The following NCOR1 variants were observed in gnomAD, a reference collection of about 807,000 sequenced individuals.
NCOR1 encodes the protein protein phosphatase 1, regulatory subunit 109.
In NCOR1, 63 loss-of-function variants were observed where a neutral mutation model predicts 288.1. That is an observed-to-expected ratio of 0.22 (90% CI 0.18 to 0.27). The LOEUF (loss-of-function observed/expected upper bound fraction) is 0.27. Among genes scored for constraint, NCOR1 ranks in the 10% least tolerant of loss-of-function variants. The pLI is 1.00. For missense variants in NCOR1, 2,397 were observed against 3,019.2 expected, an observed-to-expected ratio of 0.79 and a Z score of 4.83; for synonymous variants, 1,007 against 1,065.9, an observed-to-expected ratio of 0.94 and a Z score of 1.08.
intron 18 of NCOR1, among the ~76,000 whole-genome samples, chr17:16,116,622 G>A (rs1349582385): frequency 6.6e-6 from 1 of 152,170 alleles, no homozygotes; most frequent in Admixed American, 6.5e-5. Flanking sequence ...AATCTAAAAT[G>A]ACATTCCATG....
At chr17:16,146,597 T>C (rs1262885663) in intron 9 of NCOR1, 49 bp from the exon 10 acceptor site, 7 of 1,460,746 alleles carry the variant, frequency 4.8e-6, no homozygotes, top group Non-Finnish European at 6.5e-6. Flanking sequence ...AAACTCTGAT[T>C]CTGACAAACC....
In NCOR1 at chr17:16,057,704, C is replaced by T; in HGVS notation, c.6202G>A (p.Val2068Ile). 1 of 1,613,890 alleles carries T rather than the reference C, an allele frequency of 6.2e-7. No individual in the cohort carries two copies. Among genetic ancestry groups the T allele is most frequent in the South Asian group, 1.1e-5 (1 of 91,070 alleles). The change falls in exon 40 of 46, where the codon GTT (valine) becomes ATT (isoleucine). Residue 2068 changes from valine to isoleucine, a missense_variant. By Grantham distance (29) the Val-to-Ile change is conservative. Coordinates refer to ENST00000268712, the MANE Select transcript of NCOR1 (RefSeq NM_006311.4). ...IITQDFARNQ[V>I]SSQTPQQPPT... The stretch of plus-strand genomic sequence containing the variant: ...GGCTGCTGGGGAGTCTGCGAGGAAA[C>T]TTGATTTCTAGCAAAATCTTGTGTG...
intron 7 of NCOR1, 32 bp from the exon 8 acceptor site, chr17:16,152,030 ATGT>A (rs761705793): frequency 2.8e-6 from 4 of 1,427,246 alleles, no homozygotes; most frequent in East Asian, 2.3e-5. Context: ...TATGTATAAA[ATGT>A]TGTACATATG....
chr17:16,124,742 A>G (rs2073695123), intron 15 of NCOR1, among the ~76,000 whole-genome samples: 1 of 152,194 alleles, frequency 6.6e-6, no homozygotes. Flanking sequence ...AACAGCAGTA[A>G]CAACAAACAA....
chr17:16,041,807 G>A (rs1307574128), intron 42 of NCOR1, among the ~76,000 whole-genome samples: 2 of 151,856 alleles, frequency 1.3e-5, no homozygotes, highest in Non-Finnish European at 2.9e-5. Flanking sequence ...TGCGATCTTG[G>A]CTCACTGCAA....
In NCOR1 at chr17:16,160,743, G is replaced by T. The variant is rs192191278; in HGVS notation, c.619-1870C>A. ...GGAGGTGGAGGTTGCAGTGAGCCAA[G>T]ATCGCACCATTGCACTCCAGCCTGG... On this transcript the variant is annotated intron_variant, in intron 5 of 45. Coordinates refer to ENST00000268712, the MANE Select transcript of NCOR1 (RefSeq NM_006311.4). Among the ~76,000 whole-genome samples the T allele has an allele frequency of 2.6e-5, 4 of 152,306 alleles. No homozygotes were observed. The East Asian group carries it at 7.7e-4, about 29-fold the overall frequency.
intron 42 of NCOR1, chr17:16,044,546 G>C: frequency 2.0e-6 from 1 of 499,936 alleles, no homozygotes; most frequent in Non-Finnish European, 4.1e-6. Context: ...CTAAGGCCAC[G>C]TTGGGATGAG....
intron 3 of NCOR1, among the ~76,000 whole-genome samples, chr17:16,181,425 G>A (rs1271017331): frequency 6.7e-6 from 1 of 149,294 alleles, no homozygotes; most frequent in Non-Finnish European, 1.5e-5. Flanking sequence ...CACAGGGATA[G>A]AGAATGAAAC....
At chr17:16,186,722 C>A (rs1391262604) in intron 2 of NCOR1, 35 bp from the exon 3 acceptor site, 1 of 1,593,682 alleles carries the variant, frequency 6.3e-7, no homozygotes, top group South Asian at 1.1e-5. Flanking sequence ...AATTATTAAC[C>A]AAAAACTGAA....
chr17:16,057,385 C>G (rs1228647052), intron 40 of NCOR1, 129 bp downstream of exon 40: 2 of 880,804 alleles, frequency 2.3e-6, no homozygotes, highest in South Asian at 3.3e-5. Flanking sequence ...GAAGAAAGCT[C>G]ATTTACACTT....
rs183995129 is a variant in NCOR1, at chr17:16,058,963, C to T, written c.5882-364G>A. 1.2e-4 allele frequency among the ~76,000 whole-genome samples: 17 copies of T among 146,042 alleles called. No homozygotes were observed. The East Asian group carries it at 2.5e-3, about 21-fold the overall frequency. ...ACTCGGGAGGCTGAGGCCGGAGAAT[C>T]GCTTGAACCCGGGAGGCGGAGGTTG... On this transcript the variant is annotated intron_variant, in intron 37 of 45. Transcript: ENST00000268712.
At chr17:16,074,372 G>A (rs1390857642) in intron 27 of NCOR1, among the ~76,000 whole-genome samples, 1 of 152,130 alleles carries the variant, frequency 6.6e-6, no homozygotes. Flanking sequence ...TGACAGTGGT[G>A]AATACAGAGT....
intron 17 of NCOR1, among the ~76,000 whole-genome samples, chr17:16,118,877 A>G (rs945427075): frequency 6.6e-6 from 1 of 152,228 alleles, no homozygotes; most frequent in Non-Finnish European, 1.5e-5. Flanking sequence ...CCAGAGTAAG[A>G]GGAAGGCCAC....
At chr17:16,155,355 A>G (rs1239434239) in intron 6 of NCOR1, among the ~76,000 whole-genome samples, 3 of 148,362 alleles carry the variant, frequency 2.0e-5, no homozygotes, top group Non-Finnish European at 4.5e-5. Context: ...TGTCTCAAAA[A>G]AAAAAAAAAA....
At chr17:16,183,734 A>C (rs1278760863) in intron 3 of NCOR1, among the ~76,000 whole-genome samples, 1 of 152,150 alleles carries the variant, frequency 6.6e-6, no homozygotes, top group Non-Finnish European at 1.5e-5. Flanking sequence ...AAATAGAAAA[A>C]ACAACCCTAA....
At chr17:16,044,646 G>A in intron 42 of NCOR1, 1 of 644,224 alleles carries the variant, frequency 1.6e-6, no homozygotes, top group Non-Finnish European at 3.0e-6. Flanking sequence ...GAGCTCGCCT[G>A]CATCTACTCA....
intron 21 of NCOR1, 64 bp from the exon 22 acceptor site, chr17:16,092,122 AGTAAT>A: frequency 6.5e-7 from 1 of 1,545,468 alleles, no homozygotes; most frequent in South Asian, 1.1e-5. Flanking sequence ...TCTCTTAACA[AGTAAT>A]GTAATGCTTA....
Position 16,121,166 on chromosome 17 carries a change from G to A in NCOR1, c.1738C>T (p.Arg580Cys), listed in dbSNP as rs1432273966. Residue 580 changes from arginine (R) to cysteine (C), a missense_variant, in exon 16 of 46, where the codon CGC becomes TGC. Arg to Cys is a radical substitution (Grantham distance 180). Transcript: ENST00000268712. ...RGRKTANSQGRRKGRITRSMT... is the reference protein window; with the variant it reads ...RGRKTANSQGCRKGRITRSMT... ...GACCTGGTGATCCGGCCCTTACGGCGGCCCTGACTGTTGGCAGTCTTTCGC... is the reference window on the plus strand; with the variant it reads ...GACCTGGTGATCCGGCCCTTACGGCAGCCCTGACTGTTGGCAGTCTTTCGC... 7 of 1,614,048 alleles carry A rather than the reference G, an allele frequency of 4.3e-6. No homozygotes were observed. The highest frequency in any genetic ancestry group is 1.7e-5 in the Admixed American group (1 of 60,020).
intron 33 of NCOR1, 101 bp downstream of exon 33, chr17:16,065,384 C>T: frequency 1.5e-6 from 2 of 1,298,298 alleles, no homozygotes; most frequent in Non-Finnish European, 1.1e-6. Flanking sequence ...TCTTTTCTTT[C>T]TTTCTTTCCA....
Sources: gnomAD v4.1 joint callset for allele counts (sites outside exome capture counted in the v4.1 genomes callset) on GRCh38, gnomAD v4.1.1 for gene constraint, MANE v1.5 for transcripts, NCBI Gene and HGNC (gene_info 2026-07-23, HGNC 2026-07-21) for gene names.